The following LRCH3 variants were observed in gnomAD, a reference collection of about 807,000 sequenced individuals.
LRCH3 encodes the protein leucine rich repeats and calponin homology domain containing 3, also known as DISP complex protein LRCH3.
In LRCH3, 68 loss-of-function variants were observed where a neutral mutation model predicts 104.5. The ratio of observed to expected loss-of-function variants is 0.65; its 90% CI spans 0.54 to 0.80. LRCH3 has a LOEUF of 0.80. LRCH3 is among the 30% of genes least tolerant of loss of function. The pLI is 0.00. For missense variants in LRCH3, 951 were observed against 953.9 expected (o/e 1.00, Z 0.04); for synonymous variants, 344 against 361.3 (o/e 0.95, Z 0.54).
chr3:197,819,948 G>C (rs1330554005), intron 3 of LRCH3, among the ~76,000 whole-genome samples: 1 of 152,124 alleles, frequency 6.6e-6, no homozygotes, highest in Non-Finnish European at 1.5e-5. Flanking sequence ...GGGCTCACGT[G>C]ATCCACCCAC....
At chr3:197,835,245 A>G (rs1249121117) in intron 8 of LRCH3, among the ~76,000 whole-genome samples, 1 of 152,022 alleles carries the variant, frequency 6.6e-6, no homozygotes, top group Non-Finnish European at 1.5e-5. Context: ...GTGCAGTGGT[A>G]CGGTCTTGGC....
intron 20 of LRCH3, among the ~76,000 whole-genome samples, chr3:197,878,608 C>T (rs73892162): frequency 1.4e-3 from 216 of 152,304 alleles, no homozygotes; most frequent in African/African-American, 5.1e-3. Context: ...CTCCCACCCA[C>T]GTCCCCACCA....
chr3:197,862,629 T>C (rs1397298456), intron 15 of LRCH3, among the ~76,000 whole-genome samples: 1 of 152,222 alleles, frequency 6.6e-6, no homozygotes, highest in Non-Finnish European at 1.5e-5. Flanking sequence ...TTTAACCAAT[T>C]TTCTACTTAT....
chr3:197,831,161 T>TA, intron 7 of LRCH3: 2 of 272,646 alleles, frequency 7.3e-6, no homozygotes, highest in Non-Finnish European at 1.4e-5. Context: ...AGGTGGGGGG[T>TA]AATCTCGAGC....
intron 20 of LRCH3, among the ~76,000 whole-genome samples, chr3:197,879,812 G>A (rs1242611297): frequency 4.0e-5 from 6 of 150,816 alleles, no homozygotes; most frequent in African/African-American, 1.2e-4. Flanking sequence ...TGCAGTTTTC[G>A]TCCTTGCTTT....
In LRCH3 at chr3:197,886,088, C is replaced by G. The variant is rs1351190003; in HGVS notation, c.*2422C>G. Reference sequence around the variant, plus strand: ...GCATGGTGGCTCATGCCTATAATCCCAGCACTTTGGGAGGCCGAGGCAAGA... The same window carrying G: ...GCATGGTGGCTCATGCCTATAATCCGAGCACTTTGGGAGGCCGAGGCAAGA... On this transcript the variant is annotated 3_prime_UTR_variant, in exon 21 of 21. Transcript: ENST00000425562. 1 of 151,936 alleles carries G rather than the reference C, an allele frequency of 6.6e-6. No individual in the cohort carries two copies. The highest frequency in any genetic ancestry group is 1.5e-5 in the Non-Finnish European group (1 of 68,104). The allele number at this position is 151,936 out of a possible 1,614,324, so 9.4% of individuals were successfully genotyped here.
At chr3:197,850,336 T>C (rs1384599755) in intron 12 of LRCH3, 2 of 784,570 alleles carry the variant, frequency 2.5e-6, no homozygotes, top group Non-Finnish European at 4.1e-6. Flanking sequence ...CAACTCTCTT[T>C]AGGTACCATT....
chr3:197,862,074 A>G (rs1740946047), intron 15 of LRCH3, among the ~76,000 whole-genome samples: 1 of 152,128 alleles, frequency 6.6e-6, no homozygotes, highest in Non-Finnish European at 1.5e-5. Context: ...AGCTCACTAC[A>G]AACCTCTGCC....
At chr3:197,796,778 C>T (rs1372273321) in intron 1 of LRCH3, among the ~76,000 whole-genome samples, 1 of 152,178 alleles carries the variant, frequency 6.6e-6, no homozygotes, top group Non-Finnish European at 1.5e-5. Context: ...ATTTCTGATA[C>T]ATTTGACCCT....
At chr3:197,794,567 T>C (rs114845165) in intron 1 of LRCH3, among the ~76,000 whole-genome samples, 86 of 152,366 alleles carry the variant, frequency 5.6e-4, no homozygotes, top group Admixed American at 9.8e-4. Context: ...TGTTTTTTCA[T>C]AATGTGTAGC....
chr3:197,838,446 TGCTATTTCTTG>T (rs1232950616), intron 9 of LRCH3, among the ~76,000 whole-genome samples: 8 of 141,262 alleles, frequency 5.7e-5, no homozygotes, highest in African/African-American at 2.5e-4. Context: ...TGGAGGTAGA[TGCTATTTCTTG>T]GAAGTAGATG....
At chr3:197,823,912 C>T (rs148375271) in intron 4 of LRCH3, among the ~76,000 whole-genome samples, 1 of 152,182 alleles carries the variant, frequency 6.6e-6, no homozygotes, top group Admixed American at 6.5e-5. Context: ...CCATACCATG[C>T]CTTTACTGCT....
chr3:197,854,821 C>T lies in LRCH3; in HGVS notation c.1644+376C>T, dbSNP rs1167648989. Among the ~76,000 whole-genome samples, 1 of 152,178 alleles carries T rather than the reference C, an allele frequency of 6.6e-6. No individual in the cohort carries two copies. The highest frequency in any genetic ancestry group is 1.5e-5 in the Non-Finnish European group (1 of 68,024). ...TTAAGGTGACTCATGACACTGATTG[C>T]ACAGCTGTATATTTGGCATCCAATT... On this transcript the variant is annotated intron_variant, in intron 14 of 20. Coordinates refer to ENST00000425562, the MANE Select transcript of LRCH3 (RefSeq NM_001365715.1). The surrounding 1 kb of genome is among the most constrained non-coding windows in gnomAD (Gnocchi z 4.5).
intron 10 of LRCH3, among the ~76,000 whole-genome samples, chr3:197,846,310 G>A (rs1318060978): frequency 6.9e-6 from 1 of 145,616 alleles, no homozygotes; most frequent in Admixed American, 6.9e-5. Flanking sequence ...AGGCTGAGGC[G>A]ATATTATCGC....
At chr3:197,851,184 T>G (rs1739545394) in intron 12 of LRCH3, among the ~76,000 whole-genome samples, 1 of 152,206 alleles carries the variant, frequency 6.6e-6, no homozygotes, top group Non-Finnish European at 1.5e-5. Context: ...TAAGTGCTGT[T>G]CTATGTGTTT....
chr3:197,881,479 A>G lies in LRCH3; in HGVS notation c.2209-2062A>G, dbSNP rs1250131535. ...TTCCAGATTGTGTTTGTTATGTGTGACTGAGGTTCACTCCCAGCATTCTGT... is the reference window on the plus strand; with the variant it reads ...TTCCAGATTGTGTTTGTTATGTGTGGCTGAGGTTCACTCCCAGCATTCTGT... On this transcript the variant is annotated intron_variant, in intron 20 of 20. Coordinates refer to ENST00000425562, the MANE Select transcript of LRCH3 (RefSeq NM_001365715.1). 4.1e-6 allele frequency: 4 copies of G among 985,310 alleles called. No homozygotes were observed. In the South Asian group the frequency reaches 1.4e-4, roughly 35 times the overall value. 61.0% of individuals were successfully genotyped at this position (985,310 alleles called of 1,614,324 possible).
At chr3:197,806,932 A>G (rs1485322268) in intron 1 of LRCH3, among the ~76,000 whole-genome samples, 5 of 151,454 alleles carry the variant, frequency 3.3e-5, no homozygotes, top group Admixed American at 6.6e-5. Context: ...CCAGCTACTC[A>G]GGAGGCTCAG....
intron 20 of LRCH3, chr3:197,882,236 C>T (rs2109582687): frequency 1.0e-6 from 1 of 985,358 alleles, no homozygotes; most frequent in Non-Finnish European, 1.2e-6. Context: ...GAGGAAGAGA[C>T]CAGGGAATCA....
intron 5 of LRCH3, among the ~76,000 whole-genome samples, chr3:197,827,618 C>T (rs1735377302): frequency 6.6e-6 from 1 of 152,082 alleles, no homozygotes; most frequent in Non-Finnish European, 1.5e-5. Context: ...GATAATGTTT[C>T]CAGAAGTATT....
Sources: gnomAD v4.1 joint callset for allele counts (sites outside exome capture counted in the v4.1 genomes callset) on GRCh38, gnomAD v4.1.1 for gene constraint, Gnocchi (gnomAD v3.1) non-coding constraint, MANE v1.5 for transcripts, NCBI Gene and HGNC (gene_info 2026-07-23, HGNC 2026-07-21) for gene names.